UNC13C: variants seen among roughly 807,000 people sequenced by gnomAD.
UNC13C encodes unc-13 homolog C.
In UNC13C, 174 loss-of-function variants were observed where a neutral mutation model predicts 245.4. The ratio of observed to expected loss-of-function variants is 0.71; its 90% CI spans 0.63 to 0.80. UNC13C has a LOEUF of 0.80. UNC13C is among the 30% of genes least tolerant of loss of function. UNC13C has a pLI of 0.00. For missense variants in UNC13C, 2,829 were observed against 2,602.9 expected (o/e 1.09, Z -1.89); for synonymous variants, 992 against 895.1 (o/e 1.11, Z -1.93).
chr15:54,264,812 T>G (rs1388366184), intron 9 of UNC13C, among the ~76,000 whole-genome samples: 1 of 151,734 alleles, frequency 6.6e-6, no homozygotes, highest in Non-Finnish European at 1.5e-5. Flanking sequence ...ACAATTTGAG[T>G]TTAATGATAT....
chr15:54,290,712 C>A (rs1286231813), intron 10 of UNC13C, among the ~76,000 whole-genome samples: 2 of 152,056 alleles, frequency 1.3e-5, no homozygotes, highest in Non-Finnish European at 2.9e-5. Context: ...TACACCTTTA[C>A]CTTGCTTTTA....
chr15:54,262,349 A>G lies in UNC13C; in HGVS notation c.3449-1819A>G, dbSNP rs116736468. On this transcript the variant is annotated intron_variant, in intron 8 of 32. Coordinates refer to ENST00000260323, the MANE Select transcript of UNC13C (RefSeq NM_001080534.3). ...TTTTATGACATTTCTAACCTTTAGG[A>G]CATTCCTTGCCTGGCTGTCACAGAC... Among the ~76,000 whole-genome samples, 540 of 152,342 alleles carry G rather than the reference A, an allele frequency of 3.5e-3. 5 individuals are homozygous for G. The highest frequency in any genetic ancestry group is 0.012 in the African/African-American group (514 of 41,588).
At chr15:54,557,125 G>T (rs1024142188) in intron 29 of UNC13C, among the ~76,000 whole-genome samples, 2 of 151,954 alleles carry the variant, frequency 1.3e-5, no homozygotes, top group African/African-American at 4.8e-5. Context: ...CACCGGCCTT[G>T]TTCTTTGTGG....
intron 30 of UNC13C, among the ~76,000 whole-genome samples, chr15:54,588,052 C>G (rs1169469109): frequency 6.6e-6 from 1 of 152,108 alleles, no homozygotes; most frequent in Non-Finnish European, 1.5e-5. Context: ...GGCATAATCA[C>G]AAGGTAGATT....
Position 54,014,576 on chromosome 15 carries a change from A to G in UNC13C, c.1673A>G (p.Gln558Arg), listed in dbSNP as rs756568556. The change falls in exon 2 of 33, where the codon CAG becomes CGG. Residue 558 changes from glutamine to arginine, a missense_variant. Physicochemically the swap from Gln to Arg is conservative, Grantham distance 43. Coordinates refer to ENST00000260323, the MANE Select transcript of UNC13C (RefSeq NM_001080534.3). Reference sequence around the variant, plus strand: ...GAATCAGATTTTTCCAAATTGTGTCAGTCTTACTCAGAAGATTTTTCAGAA... The same window carrying G: ...GAATCAGATTTTTCCAAATTGTGTCGGTCTTACTCAGAAGATTTTTCAGAA... ...RSESDFSKLC[Q>R]SYSEDFSENQ... The G allele has an allele frequency of 5.6e-6, 9 of 1,613,660 alleles. No individual in the cohort carries two copies. Among genetic ancestry groups the G allele is most frequent in the Non-Finnish European group, 7.6e-6 (9 of 1,179,816 alleles).
chr15:54,278,231 C>A lies in UNC13C; in HGVS notation c.3818+12735C>A, dbSNP rs1596132322. 5.9e-5 allele frequency among the ~76,000 whole-genome samples: 9 copies of A among 152,216 alleles called. No individual in the cohort carries two copies. The South Asian group carries it at 1.9e-3, about 32-fold the overall frequency. On this transcript the variant is annotated intron_variant, in intron 10 of 32. Coordinates refer to ENST00000260323, the MANE Select transcript of UNC13C (RefSeq NM_001080534.3). ...AAATCTTACCCTTTTTCTTTATCAG[C>A]CACTCCTTATGAGTATGGATCTTGT...
chr15:53,956,700 C>T, the UNC13C span, among the ~76,000 whole-genome samples: 3 of 151,296 alleles, frequency 2.0e-5, no homozygotes, highest in African/African-American at 7.3e-5. Context: ...AAACTCTAAG[C>T]AGGGAATGAT....
At chr15:54,330,809 A>G (rs2038417368) in intron 14 of UNC13C, among the ~76,000 whole-genome samples, 1 of 151,890 alleles carries the variant, frequency 6.6e-6, no homozygotes, top group Non-Finnish European at 1.5e-5. Flanking sequence ...ACTCATCTGT[A>G]TTTTCTGTAG....
At chr15:54,371,341 T>C (rs909931090) in intron 17 of UNC13C, among the ~76,000 whole-genome samples, 5 of 152,132 alleles carry the variant, frequency 3.3e-5, no homozygotes, top group African/African-American at 1.2e-4. Context: ...TCAAACATTA[T>C]CAAAATGATG....
At position 54,367,743 on chromosome 15, in the gene UNC13C, G is replaced by A. The variant is rs114685040; in HGVS notation, c.4714-25305G>A. Reference sequence around the variant, plus strand: ...TCAGTTAAATCTTGGATTGTAGACTGAGGCAAGTCAGTTCTGTCCCACAAA... The same window carrying A: ...TCAGTTAAATCTTGGATTGTAGACTAAGGCAAGTCAGTTCTGTCCCACAAA... On this transcript the variant is annotated intron_variant, in intron 17 of 32. Transcript: ENST00000260323. Among the ~76,000 whole-genome samples the A allele has an allele frequency of 7.8e-3, 1,185 of 152,204 alleles. 14 individuals are homozygous for A. Among genetic ancestry groups the A allele is most frequent in the African/African-American group, 0.028 (1,146 of 41,524 alleles).
chr15:54,077,659 C>A (rs111642946), intron 2 of UNC13C, among the ~76,000 whole-genome samples: 2 of 152,080 alleles, frequency 1.3e-5, no homozygotes, highest in Non-Finnish European at 2.9e-5. Flanking sequence ...GCATGAGCCA[C>A]CATGCCCGGC....
intron 17 of UNC13C, among the ~76,000 whole-genome samples, chr15:54,358,973 G>A (rs12442011): frequency 0.25 from 37,271 of 151,698 alleles, 5,201 homozygotes; most frequent in East Asian, 0.64. Context: ...CCTTTATTGT[G>A]TTGAAGTATA....
chr15:54,560,756 G>A (rs1897269168), intron 29 of UNC13C, among the ~76,000 whole-genome samples: 1 of 151,848 alleles, frequency 6.6e-6, no homozygotes, highest in African/African-American at 2.4e-5. Flanking sequence ...GATAGGAGGT[G>A]ATTAAGAGAG....
At chr15:54,144,402 C>G (rs1156566720) in intron 4 of UNC13C, among the ~76,000 whole-genome samples, 1 of 151,854 alleles carries the variant, frequency 6.6e-6, no homozygotes, top group African/African-American at 2.4e-5. Context: ...TTAATGCTGA[C>G]TTTGTATCTA....
chr15:54,300,130 C>A, intron 12 of UNC13C, 80 bp from the exon 13 acceptor site: 1 of 1,347,190 alleles, frequency 7.4e-7, no homozygotes, highest in Admixed American at 2.3e-5. Flanking sequence ...AGTGCAAGAG[C>A]ATTTTACTGG....
chr15:53,986,893 A>ATGTAG (rs56124658), intron 1 of UNC13C, among the ~76,000 whole-genome samples: 18,922 of 152,000 alleles, frequency 0.12, 1,492 homozygotes, highest in East Asian at 0.28. Flanking sequence ...CCAATCTGAA[A>ATGTAG]TGGAAAGACA....
At chr15:54,522,903 C>T (rs1467500222) in intron 24 of UNC13C, among the ~76,000 whole-genome samples, 1 of 151,906 alleles carries the variant, frequency 6.6e-6, no homozygotes, top group Non-Finnish European at 1.5e-5. Flanking sequence ...CTGTTCTTTC[C>T]CTCTTAATTT....
chr15:53,871,161 G>A, the UNC13C span, among the ~76,000 whole-genome samples: 1 of 152,044 alleles, frequency 6.6e-6, no homozygotes, highest in East Asian at 1.9e-4. Flanking sequence ...TTGCTGATAT[G>A]GGTCCTGAAT....
At chr15:54,395,051 T>C (rs2040042142) in intron 18 of UNC13C, among the ~76,000 whole-genome samples, 1 of 151,838 alleles carries the variant, frequency 6.6e-6, no homozygotes, top group Admixed American at 6.6e-5. Context: ...CTTTTTTCCT[T>C]TGGAAACCTG....
Sources: gnomAD v4.1 joint callset for allele counts (sites outside exome capture counted in the v4.1 genomes callset) on GRCh38, gnomAD v4.1.1 for gene constraint, MANE v1.5 for transcripts, NCBI Gene and HGNC (gene_info 2026-07-23, HGNC 2026-07-21) for gene names.